The following AXDND1 variants were observed in gnomAD, a reference collection of about 807,000 sequenced individuals.
AXDND1 encodes axonemal dynein light chain domain containing 1.
AXDND1 carries 110 observed loss-of-function variants against 137.5 expected under a neutral mutation model. That is an observed-to-expected ratio of 0.80 (90% CI 0.69 to 0.94). The LOEUF (loss-of-function observed/expected upper bound fraction) is 0.94, where lower values mean the gene tolerates loss of function less well. AXDND1 is among the 40% of genes least tolerant of loss of function. The pLI, the probability that AXDND1 is intolerant of heterozygous loss-of-function variation, is 0.00. For missense variants in AXDND1, 1,191 were observed against 1,169.8 expected (o/e 1.02, Z -0.26); for synonymous variants, 414 against 399.7 (o/e 1.04, Z -0.43).
intron 17 of AXDND1, among the ~76,000 whole-genome samples, chr1:179,469,050 C>T (rs1328522285): frequency 6.6e-6 from 1 of 152,098 alleles, no homozygotes; most frequent in African/African-American, 2.4e-5. Flanking sequence ...TTACCTTAGC[C>T]TCCTGAGTAG....
At chr1:179,429,221 A>G (rs6700149) in intron 12 of AXDND1, among the ~76,000 whole-genome samples, 52,893 of 151,856 alleles carry the variant, frequency 0.35, 9,405 homozygotes, top group Middle Eastern at 0.44. Context: ...GTAAATATCA[A>G]TAGATGCATT....
chr1:179,429,009 C>G (rs971475170), intron 12 of AXDND1, among the ~76,000 whole-genome samples: 7 of 152,134 alleles, frequency 4.6e-5, no homozygotes, highest in Non-Finnish European at 1.0e-4. Context: ...AACCTCATCT[C>G]TACTAAAAAT....
intron 11 of AXDND1, among the ~76,000 whole-genome samples, chr1:179,408,703 A>T (rs1653367686): frequency 6.6e-6 from 1 of 152,090 alleles, no homozygotes; most frequent in South Asian, 2.1e-4. Context: ...CTTTATAGAG[A>T]TGGGGTTCAC....
At chr1:179,491,764 T>A in intron 19 of AXDND1, 27 bp downstream of exon 19, 2 of 1,495,044 alleles carry the variant, frequency 1.3e-6, no homozygotes, top group Non-Finnish European at 1.8e-6. Context: ...ATTGTTGCCC[T>A]TTTGAAGAAT....
chr1:179,380,808 C>A (rs1362014451), intron 6 of AXDND1, among the ~76,000 whole-genome samples: 1 of 151,962 alleles, frequency 6.6e-6, no homozygotes, highest in African/African-American at 2.4e-5. Context: ...AATGTAATTT[C>A]AGACATAAAA....
Position 179,444,845 on chromosome 1 carries a change from CATA to C in AXDND1, c.1564-115_1564-113del, listed in dbSNP as rs1001297366. On this transcript the variant is annotated intron_variant, in intron 15 of 25. Transcript: ENST00000367618. Reference sequence around the variant, plus strand: ...TATGTCATATACCATCTCTTTGGAGCATAATAATAATAGGATATGCAACTCCAA... The same window carrying C: ...TATGTCATATACCATCTCTTTGGAGCATAATAATAGGATATGCAACTCCAA... 81 of 582,272 alleles carry C rather than the reference CATA, an allele frequency of 1.4e-4. 1 individual carries two copies. Among genetic ancestry groups the C allele is most frequent in the African/African-American group, 8.9e-4 (47 of 53,022 alleles). The allele number at this position is 582,272 out of a possible 1,614,324, so 36.1% of individuals were successfully genotyped here. A position where few individuals can be genotyped will look rare whatever the true frequency, so the allele number is the denominator to read the frequency against.
chr1:179,488,503 C>A (rs1216447278), intron 18 of AXDND1, among the ~76,000 whole-genome samples: 1 of 147,246 alleles, frequency 6.8e-6, no homozygotes, highest in Admixed American at 6.7e-5. Context: ...TGAGCTCAGG[C>A]AATCCTCCCA....
intron 25 of AXDND1, among the ~76,000 whole-genome samples, chr1:179,550,329 A>G (rs1673078952): frequency 6.6e-6 from 1 of 152,144 alleles, no homozygotes; most frequent in Non-Finnish European, 1.5e-5. Context: ...ATATCTGTAT[A>G]AGAAAACAAT....
chr1:179,480,117 T>A (rs1665177026), intron 17 of AXDND1, among the ~76,000 whole-genome samples: 1 of 152,222 alleles, frequency 6.6e-6, no homozygotes, highest in Non-Finnish European at 1.5e-5. Context: ...CCAAGGTCGC[T>A]CCCACATTTT....
chr1:179,371,364 G>T (rs1668019267), intron 4 of AXDND1, among the ~76,000 whole-genome samples: 1 of 152,122 alleles, frequency 6.6e-6, no homozygotes, highest in Admixed American at 6.5e-5. Flanking sequence ...GGAGGTGGAG[G>T]TTGCAGTGAG....
chr1:179,535,189 A>C lies in AXDND1; in HGVS notation c.3031+227A>C, dbSNP rs1671417433. The C allele has an allele frequency of 1.4e-5, 8 of 589,046 alleles. No individual in the cohort carries two copies. The South Asian group carries it at 1.8e-4, about 13-fold the overall frequency. 36.5% of individuals were successfully genotyped at this position (589,046 alleles called of 1,614,324 possible). On this transcript the variant is annotated intron_variant, in intron 25 of 25. Coordinates refer to ENST00000367618, the MANE Select transcript of AXDND1 (RefSeq NM_144696.6). ...TGTGAATGAATAAAGTAGCTCAGAT[A>C]CAATTTTTATTTACAAAACTGGCAA...
At chr1:179,381,354 T>C (rs1049202211) in intron 6 of AXDND1, among the ~76,000 whole-genome samples, 8 of 148,938 alleles carry the variant, frequency 5.4e-5, no homozygotes, top group African/African-American at 2.0e-4. Flanking sequence ...TTTTTTTTTT[T>C]TTTTTTTGAG....
At chr1:179,524,680 A>C (rs1558302831) in intron 21 of AXDND1, among the ~76,000 whole-genome samples, 1 of 152,080 alleles carries the variant, frequency 6.6e-6, no homozygotes, top group Admixed American at 6.6e-5. Context: ...CTTGCCTCTT[A>C]AATATCTCTT....
At chr1:179,514,228 G>A (rs1443568513) in intron 21 of AXDND1, among the ~76,000 whole-genome samples, 2 of 152,036 alleles carry the variant, frequency 1.3e-5, no homozygotes, top group African/African-American at 4.8e-5. Context: ...TCTTCTCTTA[G>A]CACAGCCTTT....
At chr1:179,459,126 T>C (rs2031893) in intron 16 of AXDND1, among the ~76,000 whole-genome samples, 1,751 of 152,240 alleles carry the variant, frequency 0.012, 71 homozygotes, top group Admixed American at 0.063. Context: ...GGAAAAATAC[T>C]TCCAAGCCAT....
intron 2 of AXDND1, 104 bp downstream of exon 2, chr1:179,366,710 G>A: frequency 2.1e-6 from 2 of 937,948 alleles, no homozygotes; most frequent in Non-Finnish European, 3.3e-6. Context: ...TACCTTGATT[G>A]GCTACATTTT....
intron 18 of AXDND1, among the ~76,000 whole-genome samples, chr1:179,488,960 C>A (rs1666523901): frequency 6.9e-6 from 1 of 145,702 alleles, no homozygotes; most frequent in Non-Finnish European, 1.5e-5. Context: ...GTCTTGAACT[C>A]CTGACCTCAT....
At chr1:179,387,508 A>G (rs1649409864) in intron 9 of AXDND1, among the ~76,000 whole-genome samples, 1 of 152,250 alleles carries the variant, frequency 6.6e-6, no homozygotes, top group South Asian at 2.1e-4. Context: ...TTAAATTTCA[A>G]CACTAGTTAT....
At chr1:179,504,524 T>G (rs982315619) in intron 20 of AXDND1, among the ~76,000 whole-genome samples, 1 of 152,192 alleles carries the variant, frequency 6.6e-6, no homozygotes, top group African/African-American at 2.4e-5. Context: ...GAGGTGTATC[T>G]CCCTATAAAA....
Sources: allele counts gnomAD v4.1 joint callset (sites outside exome capture counted in the v4.1 genomes callset), GRCh38; gene constraint gnomAD v4.1.1; transcripts MANE v1.5; gene names NCBI Gene and HGNC (gene_info 2026-07-23, HGNC 2026-07-21).